GMDS: variants seen among roughly 807,000 people sequenced by gnomAD.
GMDS encodes GDP-mannose 4,6-dehydratase.
GMDS carries 20 observed loss-of-function variants against 49.9 expected under a neutral mutation model. The observed-to-expected ratio is 0.40, with a 90% CI of 0.28 to 0.58. The LOEUF is 0.58. GMDS is among the 20% of genes least tolerant of loss of function. The probability of loss-of-function intolerance (pLI) is 0.42; values close to 1 mark genes in which losing one functional copy is unlikely to be tolerated. For synonymous variants in GMDS, 177 were observed against 178.6 expected, an observed-to-expected ratio of 0.99 and a Z score of 0.07; for missense variants, 362 against 481.4, an observed-to-expected ratio of 0.75 and a Z score of 2.32.
At chr6:2,019,742 T>C (rs1304541113) in intron 4 of GMDS, among the ~76,000 whole-genome samples, 1 of 152,136 alleles carries the variant, frequency 6.6e-6, no homozygotes, top group Non-Finnish European at 1.5e-5. Context: ...GAGCCACCTC[T>C]TCCTGCCAGA....
intron 6 of GMDS, among the ~76,000 whole-genome samples, chr6:1,944,057 T>C (rs1217715407): frequency 6.6e-6 from 1 of 152,228 alleles, no homozygotes; most frequent in Non-Finnish European, 1.5e-5. Flanking sequence ...GGGCTTTACT[T>C]CAGAATTGAT....
rs1769552374 is a variant in GMDS at position 2,039,884 on chromosome 6, TTTA to T, written c.345+75884_345+75886del. Reference sequence around the variant, plus strand: ...AGCACATAAACTAGTAGTATAGTCATTTATTATCAAGTATTATGTACAGTACAT... The same window carrying T: ...AGCACATAAACTAGTAGTATAGTCATTTATCAAGTATTATGTACAGTACAT... On this transcript the variant is annotated intron_variant, in intron 4 of 10. Coordinates refer to ENST00000380815, the MANE Select transcript of GMDS (RefSeq NM_001500.4). Among the ~76,000 whole-genome samples the T allele has an allele frequency of 2.6e-5, 4 of 152,360 alleles. No homozygotes were observed. The South Asian group carries it at 8.3e-4, about 32-fold the overall frequency.
chr6:2,124,429 G>GT (rs1167565046), intron 2 of GMDS, among the ~76,000 whole-genome samples: 1 of 152,170 alleles, frequency 6.6e-6, no homozygotes, highest in African/African-American at 2.4e-5. Context: ...AGGCTGCTGC[G>GT]TTATCGGAGA....
intron 1 of GMDS, among the ~76,000 whole-genome samples, chr6:2,183,254 G>C (rs896446450): frequency 2.6e-5 from 4 of 152,156 alleles, no homozygotes; most frequent in African/African-American, 9.7e-5. Context: ...TCTAGATAGG[G>C]ATTCACCATT....
intron 6 of GMDS, among the ~76,000 whole-genome samples, chr6:1,959,173 G>A (rs1763803577): frequency 6.6e-6 from 1 of 152,142 alleles, no homozygotes; most frequent in Non-Finnish European, 1.5e-5. Flanking sequence ...TCTGTGGAGT[G>A]CTCTATAGTT....
intron 8 of GMDS, among the ~76,000 whole-genome samples, chr6:1,729,946 A>G (rs1250067931): frequency 6.6e-6 from 1 of 151,942 alleles, no homozygotes; most frequent in Non-Finnish European, 1.5e-5. Flanking sequence ...AGTCAGCCAC[A>G]TGAGTCAAGT....
intron 9 of GMDS, among the ~76,000 whole-genome samples, chr6:1,713,565 T>C (rs1335107764): frequency 6.6e-6 from 1 of 152,214 alleles, no homozygotes; most frequent in Non-Finnish European, 1.5e-5. Context: ...AGATAATATT[T>C]CGTCTTGCCA....
chr6:2,201,556 T>C (rs1335281895), intron 1 of GMDS, among the ~76,000 whole-genome samples: 4 of 118,646 alleles, frequency 3.4e-5, no homozygotes, highest in Admixed American at 2.6e-4. Flanking sequence ...GATGAAACCA[T>C]CTAGGCAGTG....
At chr6:1,645,591 C>T (rs1367715467) in intron 9 of GMDS, among the ~76,000 whole-genome samples, 1 of 152,222 alleles carries the variant, frequency 6.6e-6, no homozygotes, top group African/African-American at 2.4e-5. Flanking sequence ...CGGGTCCAAC[C>T]TTGGCTTTAG....
At chr6:2,181,719 A>C (rs1440841968) in intron 1 of GMDS, among the ~76,000 whole-genome samples, 2 of 152,180 alleles carry the variant, frequency 1.3e-5, no homozygotes, top group Non-Finnish European at 2.9e-5. Context: ...AAAATGGTAA[A>C]TGTAATCGGA....
chr6:1,688,685 AC>A (rs2113329759), intron 9 of GMDS, among the ~76,000 whole-genome samples: 1 of 152,324 alleles, frequency 6.6e-6, no homozygotes, highest in East Asian at 1.9e-4. Context: ...TTTATGTTAA[AC>A]GTATTTCTGT....
chr6:2,232,674 ATAAT>A (rs1451968805), intron 1 of GMDS, among the ~76,000 whole-genome samples: 1 of 152,234 alleles, frequency 6.6e-6, no homozygotes, highest in Non-Finnish European at 1.5e-5. Flanking sequence ...GAGAGGCTTC[ATAAT>A]GAGGAACAGC....
At chr6:2,158,828 C>T (rs1254932887) in intron 1 of GMDS, among the ~76,000 whole-genome samples, 1 of 152,210 alleles carries the variant, frequency 6.6e-6, no homozygotes, top group Non-Finnish European at 1.5e-5. Flanking sequence ...ATGATGCTTC[C>T]TCCCCACAGT....
chr6:1,997,507 C>CAAAAA (rs542421435), intron 4 of GMDS, among the ~76,000 whole-genome samples: 5 of 61,584 alleles, frequency 8.1e-5, no homozygotes, highest in African/African-American at 3.1e-4. Flanking sequence ...GACTCTGTCT[C>CAAAAA]AAAAAAAAAA....
intron 9 of GMDS, among the ~76,000 whole-genome samples, chr6:1,722,050 C>T (rs1327345925): frequency 1.4e-5 from 2 of 142,870 alleles, no homozygotes; most frequent in South Asian, 4.5e-4. Context: ...ACTCCAGGAA[C>T]TGCTATCACG....
intron 7 of GMDS, among the ~76,000 whole-genome samples, chr6:1,745,716 G>A (rs1409361315): frequency 6.6e-6 from 1 of 152,214 alleles, no homozygotes; most frequent in Non-Finnish European, 1.5e-5. Context: ...GTCTGGGAAT[G>A]AGAAGAGAAA....
intron 9 of GMDS, among the ~76,000 whole-genome samples, chr6:1,725,691 C>T (rs1266831710): frequency 6.6e-6 from 1 of 152,216 alleles, no homozygotes; most frequent in Non-Finnish European, 1.5e-5. Context: ...CTCTGCCTCC[C>T]AAAGGGCTGG....
intron 7 of GMDS, among the ~76,000 whole-genome samples, chr6:1,809,923 C>T (rs1770343700): frequency 6.6e-6 from 1 of 152,108 alleles, no homozygotes; most frequent in Non-Finnish European, 1.5e-5. Context: ...CTTATTTGCA[C>T]ATATCAAAGG....
chr6:1,858,970 G>GC (rs1192726801), intron 7 of GMDS, among the ~76,000 whole-genome samples: 1 of 151,806 alleles, frequency 6.6e-6, no homozygotes, highest in Non-Finnish European at 1.5e-5. Context: ...TGTTTTGGGG[G>GC]GGGCAGGCAC....
Sources: allele counts gnomAD v4.1 joint callset (sites outside exome capture counted in the v4.1 genomes callset), GRCh38; gene constraint gnomAD v4.1.1; transcripts MANE v1.5; gene names NCBI Gene and HGNC (gene_info 2026-07-23, HGNC 2026-07-21).